COL6A5: variants seen among roughly 807,000 people sequenced by gnomAD.
COL6A5 encodes collagen type VI alpha 5 chain, also known as collagen alpha-5(VI) chain.
Under a neutral mutation model 65.6 loss-of-function variants are expected in COL6A5, and 48 were observed. The ratio of observed to expected loss-of-function variants is 0.73; its 90% confidence interval spans 0.58 to 0.93. The LOEUF is 0.93. Among genes scored for constraint, COL6A5 ranks in the 40% least tolerant of loss-of-function variants. COL6A5 has a pLI of 0.00. For missense variants in COL6A5, 914 were observed against 928.3 expected (o/e 0.98, Z 0.20); for synonymous variants, 291 against 322.8 (o/e 0.90, Z 1.05).
At chr3:130,443,646 G>A in intron 4 of COL6A5, 80 bp downstream of exon 36, 1 of 808,920 alleles carries the variant, frequency 1.2e-6, no homozygotes, top group Non-Finnish European at 2.1e-6. Flanking sequence ...CACTTTATTA[G>A]GCTGATGATG....
At chr3:130,470,799 A>G (rs947010198) in intron 6 of COL6A5, 72 bp from the exon 39 acceptor site, 1 of 1,129,510 alleles carries the variant, frequency 8.9e-7, no homozygotes, top group African/African-American at 1.5e-5. Flanking sequence ...ACGTGAAAAC[A>G]TGATCTGACT....
At chr3:130,480,831 T>A (rs1260360616) in intron 7 of COL6A5, among the ~76,000 whole-genome samples, 1 of 152,100 alleles carries the variant, frequency 6.6e-6, no homozygotes, top group East Asian at 1.9e-4. Context: ...AGTTGAGAAT[T>A]TCTGTGCATG....
chr3:130,455,356 T>C (rs1709546568), intron 4 of COL6A5, 99 bp from the exon 37 acceptor site: 4 of 694,528 alleles, frequency 5.8e-6, no homozygotes, highest in Non-Finnish European at 2.4e-6. Flanking sequence ...CCAATTGGTT[T>C]TTTAAGGAGA....
chr3:130,410,935 G>A (rs1352813834), intron 20 of COL6A5, among the ~76,000 whole-genome samples: 1 of 152,162 alleles, frequency 6.6e-6, no homozygotes, highest in Non-Finnish European at 1.5e-5. Flanking sequence ...TGTCTTTGAA[G>A]AGAGCCAATG....
upstream of COL6A5, chr3:130,431,187 C>G (rs1350915789): frequency 8.9e-6 from 6 of 675,912 alleles, no homozygotes; most frequent in African/African-American, 1.8e-5. Flanking sequence ...AGCTCAAGAA[C>G]TCCCACCAAT....
chr3:130,411,913 C>T (rs1170599046), intron 20 of COL6A5, among the ~76,000 whole-genome samples: 1 of 152,132 alleles, frequency 6.6e-6, no homozygotes, highest in East Asian at 1.9e-4. Flanking sequence ...TATGAAACAA[C>T]ATCAGGTTTT....
At chr3:130,397,520 G>A in intron 8 of COL6A5, 63 bp from the exon 9 acceptor site, 3 of 1,313,034 alleles carry the variant, frequency 2.3e-6, no homozygotes, top group South Asian at 1.5e-5. Context: ...CCTTTTTTCT[G>A]CCGTCTCTCC....
At chr3:130,472,436 G>A (rs1320843172) in intron 7 of COL6A5, among the ~76,000 whole-genome samples, 4 of 151,982 alleles carry the variant, frequency 2.6e-5, no homozygotes. Context: ...CCATAGGCTG[G>A]GTGGAGAAAT....
intron 5 of COL6A5, among the ~76,000 whole-genome samples, chr3:130,463,334 A>G (rs1045265265): frequency 6.6e-6 from 1 of 151,998 alleles, no homozygotes; most frequent in Non-Finnish European, 1.5e-5. Context: ...ATTTCAAAGC[A>G]GGCCACTGGA....
At chr3:130,469,741 A>C (rs1023021092) in intron 6 of COL6A5, among the ~76,000 whole-genome samples, 2 of 152,106 alleles carry the variant, frequency 1.3e-5, no homozygotes, top group African/African-American at 4.8e-5. Flanking sequence ...AGTGTTTACT[A>C]TGTGGCAGGT....
intron 1 of COL6A5, among the ~76,000 whole-genome samples, chr3:130,349,897 A>T (rs796799922): frequency 6.6e-6 from 1 of 152,194 alleles, no homozygotes; most frequent in East Asian, 1.9e-4. Flanking sequence ...CTACCTTTCT[A>T]TTCTACCTTC....
At chr3:130,416,239 C>A (rs1937332697) in intron 23 of COL6A5, among the ~76,000 whole-genome samples, 1 of 152,076 alleles carries the variant, frequency 6.6e-6, no homozygotes, top group Admixed American at 6.6e-5. Context: ...TCTGCTCAGA[C>A]GGTGAGAGTT....
chr3:130,426,529 G>T (rs1282158128), upstream of COL6A5: 5 of 939,692 alleles, frequency 5.3e-6, no homozygotes, highest in African/African-American at 6.5e-5. Context: ...TAACAAGCTT[G>T]TCTGGAGTGC....
chr3:130,451,025 A>G (rs1039327894), intron 4 of COL6A5, among the ~76,000 whole-genome samples: 1 of 152,180 alleles, frequency 6.6e-6, no homozygotes, highest in Non-Finnish European at 1.5e-5. Flanking sequence ...GTCCCAATCT[A>G]AAGGAAGTAA....
intron 1 of COL6A5, among the ~76,000 whole-genome samples, chr3:130,349,242 T>C (rs1934615280): frequency 6.6e-6 from 1 of 152,128 alleles, no homozygotes; most frequent in South Asian, 2.1e-4. Flanking sequence ...TGGAAAATAA[T>C]AAGAAACATG....
chr3:130,474,807 A>T (rs1039854438), intron 7 of COL6A5, among the ~76,000 whole-genome samples: 18 of 151,880 alleles, frequency 1.2e-4, no homozygotes, highest in African/African-American at 4.3e-4. Context: ...CAGGATTTTG[A>T]GACCAGCCTG....
intron 1 of COL6A5, among the ~76,000 whole-genome samples, chr3:130,352,203 T>C (rs1577417303): frequency 6.6e-6 from 1 of 151,922 alleles, no homozygotes; most frequent in Non-Finnish European, 1.5e-5. Flanking sequence ...AAATACCTAA[T>C]GTAAATGATG....
rs756639986 is a variant in COL6A5, at chr3:130,455,448, C to G, written c.1333-7C>G. 1 of 1,577,726 alleles carries G rather than the reference C, an allele frequency of 6.3e-7. No homozygotes were observed. The highest frequency in any genetic ancestry group is 8.6e-7 in the Non-Finnish European group (1 of 1,157,674). ...CTAGACTCACCTAAAGTTTTTTTTT[C>G]TTCTAGATTTGTTACTGAGCTACAA... On this transcript the variant is annotated splice_polypyrimidine_tract_variant and splice_region_variant and intron_variant, in intron 4 of 7. Coordinates refer to ENST00000512836, the Ensembl canonical transcript of COL6A5.
At chr3:130,388,333 A>G (rs1209873440) in intron 5 of COL6A5, among the ~76,000 whole-genome samples, 1 of 146,740 alleles carries the variant, frequency 6.8e-6, no homozygotes, top group Non-Finnish European at 1.5e-5. Flanking sequence ...AGAAATATGA[A>G]TAAATGAGTT....
Sources: gnomAD v4.1 joint callset for allele counts (sites outside exome capture counted in the v4.1 genomes callset) on GRCh38, gnomAD v4.1.1 for gene constraint, MANE v1.5 for transcripts, NCBI Gene and HGNC (gene_info 2026-07-23, HGNC 2026-07-21) for gene names.